The following ADRA1A variants were observed in gnomAD, a reference collection of about 807,000 sequenced individuals.
The protein encoded by ADRA1A is alpha-1A adrenergic receptor.
A neutral mutation model predicts 29.6 loss-of-function variants in ADRA1A; 31 were observed. The observed-to-expected ratio is 1.05, with a 90% CI of 0.79 to 1.41. The LOEUF is 1.41. ADRA1A is among the 40% of genes most tolerant of loss of function. The pLI is 0.00. For synonymous variants in ADRA1A, 311 were observed against 254.3 expected (o/e 1.22, Z -2.12); for missense variants, 619 against 601.1 (o/e 1.03, Z -0.31).
At chr8:26,818,664 T>C (rs1019471949) in intron 2 of ADRA1A, among the ~76,000 whole-genome samples, 10 of 152,026 alleles carry the variant, frequency 6.6e-5, no homozygotes, top group African/African-American at 2.2e-4. Context: ...AGAGAGATTC[T>C]GGAGCTGGAT....
intron 2 of ADRA1A, among the ~76,000 whole-genome samples, chr8:26,844,904 A>C (rs964543988): frequency 4.6e-5 from 7 of 152,184 alleles, no homozygotes; most frequent in Non-Finnish European, 8.8e-5. Context: ...AAATACACTA[A>C]AACTAACAAT....
chr8:26,860,740 C>G lies in ADRA1A; in HGVS notation c.883+3347G>C, dbSNP rs1813390029. Among the ~76,000 whole-genome samples the G allele has an allele frequency of 6.6e-6, 1 of 152,136 alleles. No homozygotes were observed. The highest frequency in any genetic ancestry group is 1.5e-5 in the Non-Finnish European group (1 of 68,008). ...CTCTACTTGCCTCAGGGCTCACACA[C>G]TTTGCTCTCCTTGTCACTTCCCAAT... On this transcript the variant is annotated intron_variant, in intron 2 of 2. Coordinates refer to ENST00000380573, the MANE Select transcript of ADRA1A (RefSeq NM_000680.4). The surrounding 1 kb of genome is among the most constrained non-coding windows in gnomAD (Gnocchi z 4.7).
At chr8:26,781,202 T>C (rs1806955452) in intron 2 of ADRA1A, among the ~76,000 whole-genome samples, 1 of 152,210 alleles carries the variant, frequency 6.6e-6, no homozygotes, top group South Asian at 2.1e-4. Flanking sequence ...TTCTTGACTA[T>C]AAACTCCCTT....
At chr8:26,772,239 T>C (rs1043544500) in intron 2 of ADRA1A, 1 of 152,072 alleles carries the variant, frequency 6.6e-6, no homozygotes, top group African/African-American at 2.4e-5. Context: ...ATAAGAGTGA[T>C]GGATAAAGGG....
At chr8:26,853,691 TA>T (rs1196717034) in intron 2 of ADRA1A, 1 of 152,196 alleles carries the variant, frequency 6.6e-6, no homozygotes, top group East Asian at 1.9e-4. Flanking sequence ...CTGTGAGGCA[TA>T]ATCTACCAAA....
rs1806462543 is a variant in ADRA1A, at chr8:26,775,267, T to G, written c.884-4601A>C. 6.6e-6 allele frequency among the ~76,000 whole-genome samples: 1 copy of G among 152,236 alleles called. No individual in the cohort carries two copies. Among genetic ancestry groups the G allele is most frequent in the Admixed American group, 6.5e-5 (1 of 15,288 alleles). ...CTTGCCATGGTTCTTCTTCACAGTG[T>G]GGCTTGGTTTTCTTTTCTGCGTGAT... is the stretch of plus-strand genomic sequence containing the variant. On this transcript the variant is annotated intron_variant, in intron 2 of 2. Coordinates refer to ENST00000380573, the MANE Select transcript of ADRA1A (RefSeq NM_000680.4). The surrounding 1 kb of genome is among the most constrained non-coding windows in gnomAD (Gnocchi z 4.1).
intron 2 of ADRA1A, 41 bp from the exon 3 acceptor site, chr8:26,770,707 C>A: frequency 6.5e-7 from 1 of 1,543,086 alleles, no homozygotes; most frequent in Admixed American, 2.0e-5. Context: ...TATTTGAAAG[C>A]CAGCAAGCCA....
intron 2 of ADRA1A, among the ~76,000 whole-genome samples, chr8:26,780,590 C>T (rs1168092950): frequency 6.6e-6 from 1 of 152,194 alleles, no homozygotes; most frequent in Non-Finnish European, 1.5e-5. Flanking sequence ...TTGCCATTTC[C>T]CCTGTGGATT....
rs886364953 is a variant in ADRA1A at position 26,864,203 on chromosome 8, T to C, written c.767A>G (p.His256Arg). 6.2e-7 allele frequency: 1 copy of C among 1,614,038 alleles called. No homozygotes were observed. Among genetic ancestry groups the C allele is most frequent in the African/African-American group, 1.3e-5 (1 of 74,934 alleles). ...SGMASAKTKTHFSVRLLKFSR... is the reference protein window; with the variant it reads ...SGMASAKTKTRFSVRLLKFSR... ...GAACTTGAGGAGCCTCACTGAGAAG[T>C]GCGTCTTGGTCTTGGCGCTGGCCAT... Residue 256 changes from histidine (H) to arginine (R), a missense_variant, in exon 2 of 3, where the codon CAC (histidine) becomes CGC (arginine). Coordinates refer to ENST00000380573, the MANE Select transcript of ADRA1A (RefSeq NM_000680.4). The surrounding 1 kb of genome is among the most constrained non-coding windows in gnomAD (Gnocchi z 8.1).
chr8:26,855,066 T>A (rs1812924567), intron 2 of ADRA1A, among the ~76,000 whole-genome samples: 1 of 152,168 alleles, frequency 6.6e-6, no homozygotes, highest in South Asian at 2.1e-4. Context: ...AAATTCCTGT[T>A]TACAAGCCAC....
chr8:26,855,412 A>AT (rs1182165534), intron 2 of ADRA1A, among the ~76,000 whole-genome samples: 2 of 132,290 alleles, frequency 1.5e-5, no homozygotes, highest in African/African-American at 3.2e-5. Context: ...GAGCTTACCG[A>AT]TAAAAAAAAA....
At chr8:26,850,473 G>T (rs1812546917) in intron 2 of ADRA1A, among the ~76,000 whole-genome samples, 1 of 152,142 alleles carries the variant, frequency 6.6e-6, no homozygotes, top group Non-Finnish European at 1.5e-5. Flanking sequence ...GAAGGGCTGA[G>T]AAAATGTGTT....
At chr8:26,813,376 A>G (rs140010336) in intron 2 of ADRA1A, among the ~76,000 whole-genome samples, 1 of 152,304 alleles carries the variant, frequency 6.6e-6, no homozygotes, top group East Asian at 1.9e-4. Flanking sequence ...TTCTTAACCC[A>G]CTCATCTAAC....
intron 2 of ADRA1A, among the ~76,000 whole-genome samples, chr8:26,855,313 C>T (rs942968140): frequency 3.3e-5 from 5 of 151,704 alleles, no homozygotes; most frequent in Non-Finnish European, 7.4e-5. Flanking sequence ...TAAGCTACAT[C>T]TTCTTGGCAC....
Position 26,770,136 on chromosome 8 carries a change from C to T in ADRA1A, c.*13G>A. The T allele has an allele frequency of 6.5e-7, 1 of 1,528,352 alleles. No homozygotes were observed. Among genetic ancestry groups the T allele is most frequent in the Non-Finnish European group, 8.8e-7 (1 of 1,139,184 alleles). 94.7% of individuals were successfully genotyped at this position (1,528,352 alleles called of 1,614,324 possible). A position where few individuals can be genotyped will look rare whatever the true frequency, so the allele number is the denominator to read the frequency against. On this transcript the variant is annotated 3_prime_UTR_variant, in exon 3 of 3. Transcript: ENST00000380573. ...CCTAAGATTATTCCCCTTTCCTCTG[C>T]ATCTTTCCTGTCCTAGACTTCCTCC...
intron 2 of ADRA1A, among the ~76,000 whole-genome samples, chr8:26,847,873 T>C (rs61756999): frequency 7.4e-4 from 113 of 152,224 alleles, no homozygotes; most frequent in Non-Finnish European, 1.2e-3. Flanking sequence ...AAGGGAGGGC[T>C]GAGTGTTCAG....
intron 2 of ADRA1A, among the ~76,000 whole-genome samples, chr8:26,810,808 T>A (rs1305142822): frequency 6.6e-6 from 1 of 152,168 alleles, no homozygotes; most frequent in East Asian, 1.9e-4. Flanking sequence ...ATGAGCATGC[T>A]TCCTACTCAA....
chr8:26,840,170 T>C (rs759226856), intron 2 of ADRA1A, among the ~76,000 whole-genome samples: 32 of 152,208 alleles, frequency 2.1e-4, no homozygotes, highest in Non-Finnish European at 4.4e-4. Flanking sequence ...TTTAATTCCC[T>C]TCCAATGGAC....
At chr8:26,816,617 A>C (rs1809785961) in intron 2 of ADRA1A, among the ~76,000 whole-genome samples, 1 of 151,938 alleles carries the variant, frequency 6.6e-6, no homozygotes, top group Non-Finnish European at 1.5e-5. Flanking sequence ...TAACACACTG[A>C]GGCAGCCTGC....
Sources: gnomAD v4.1 joint callset for allele counts (sites outside exome capture counted in the v4.1 genomes callset) on GRCh38, gnomAD v4.1.1 for gene constraint, Gnocchi (gnomAD v3.1) non-coding constraint, MANE v1.5 for transcripts, NCBI Gene and HGNC (gene_info 2026-07-23, HGNC 2026-07-21) for gene names.